Variants in RNF180 observed in about 807,000 individuals in gnomAD.
The protein encoded by RNF180 is E3 ubiquitin-protein ligase RNF180.
In RNF180, 38 loss-of-function variants were observed where a neutral mutation model predicts 59.2. The ratio of observed to expected loss-of-function variants is 0.64; its 90% CI spans 0.50 to 0.84. The LOEUF (loss-of-function observed/expected upper bound fraction) is 0.84, where lower values mean the gene tolerates loss of function less well. RNF180 is among the 40% of genes least tolerant of loss of function. The probability of loss-of-function intolerance (pLI) is 0.00; values close to 1 mark genes in which losing one functional copy is unlikely to be tolerated. For synonymous variants in RNF180, 262 were observed against 240.3 expected (o/e 1.09, Z -0.84); for missense variants, 705 against 700.9 (o/e 1.01, Z -0.07).
chr5:64,291,936 G>T (rs979158961), intron 5 of RNF180, among the ~76,000 whole-genome samples: 3 of 152,008 alleles, frequency 2.0e-5, no homozygotes, highest in Admixed American at 1.3e-4. Flanking sequence ...CTCTTCTGCT[G>T]TCGTGGTTAT....
intron 7 of RNF180, among the ~76,000 whole-genome samples, chr5:64,331,379 G>T (rs1186792585): frequency 6.6e-6 from 1 of 152,184 alleles, no homozygotes; most frequent in African/African-American, 2.4e-5. Flanking sequence ...AGAACTTACA[G>T]TGCTTTTTCC....
intron 7 of RNF180, among the ~76,000 whole-genome samples, chr5:64,334,226 C>T (rs1745030527): frequency 6.6e-6 from 1 of 152,162 alleles, no homozygotes. Context: ...CCCCTCCAAC[C>T]TCCATAAGAA....
chr5:64,220,827 A>G (rs964193717), intron 5 of RNF180, among the ~76,000 whole-genome samples: 1 of 152,086 alleles, frequency 6.6e-6, no homozygotes. Context: ...ATAATTGACC[A>G]TATATCATGG....
chr5:64,204,659 AAAG>A (rs1303758048), intron 2 of RNF180, among the ~76,000 whole-genome samples: 1 of 152,130 alleles, frequency 6.6e-6, no homozygotes, highest in African/African-American at 2.4e-5. Context: ...TCTTTGTTGA[AAAG>A]AAATTCATAA....
intron 5 of RNF180, among the ~76,000 whole-genome samples, chr5:64,239,573 G>T (rs533458199): frequency 6.6e-6 from 1 of 152,082 alleles, no homozygotes; most frequent in Admixed American, 6.5e-5. Context: ...GTTAAGAGCT[G>T]TTGTATTGAT....
At chr5:64,232,191 A>G (rs1341844585) in intron 5 of RNF180, among the ~76,000 whole-genome samples, 1 of 152,132 alleles carries the variant, frequency 6.6e-6, no homozygotes, top group Non-Finnish European at 1.5e-5. Flanking sequence ...AAAGAGATTT[A>G]CCTTAGGAAC....
chr5:64,350,022 A>C (rs538621918), intron 7 of RNF180, among the ~76,000 whole-genome samples: 42 of 152,314 alleles, frequency 2.8e-4, no homozygotes, highest in African/African-American at 9.4e-4. Context: ...ACTAGTTTAC[A>C]GTCCCACCAA....
chr5:64,214,564 T>A (rs1395859590), intron 4 of RNF180, 47 bp downstream of exon 4: 1 of 1,536,116 alleles, frequency 6.5e-7, no homozygotes, highest in African/African-American at 1.4e-5. Flanking sequence ...TTATAAATAC[T>A]GGAGTTTGGG....
At chr5:64,235,843 C>G (rs1189564121) in intron 5 of RNF180, among the ~76,000 whole-genome samples, 1 of 152,128 alleles carries the variant, frequency 6.6e-6, no homozygotes, top group Non-Finnish European at 1.5e-5. Context: ...TAAGACATGC[C>G]TTACTTCCCC....
intron 5 of RNF180, chr5:64,217,905 T>C (rs1045523790): frequency 6.6e-6 from 1 of 152,140 alleles, no homozygotes; most frequent in Non-Finnish European, 1.5e-5. Context: ...TACAGTGAGC[T>C]ATGATTACAC....
intron 2 of RNF180, among the ~76,000 whole-genome samples, chr5:64,205,089 C>T (rs1751948224): frequency 6.6e-6 from 1 of 152,148 alleles, no homozygotes; most frequent in Non-Finnish European, 1.5e-5. Flanking sequence ...AGGAACTGGA[C>T]ACTAGAATTG....
rs536406686 is a variant in RNF180 at position 64,208,391 on chromosome 5, CTTG to C, written c.136-3669_136-3667del. Among the ~76,000 whole-genome samples, 32 of 152,030 alleles carry C rather than the reference CTTG, an allele frequency of 2.1e-4. 1 individual carries two copies. The South Asian group carries it at 6.4e-3, about 31-fold the overall frequency. On this transcript the variant is annotated intron_variant, in intron 2 of 7. Coordinates refer to ENST00000389100, the MANE Select transcript of RNF180 (RefSeq NM_001113561.2). ...AGTCAAATTTTTCCCGAGGAGATAACTTGTTGTGCTAATACTTTGATGGCTTTA... is the reference window on the plus strand; with the variant it reads ...AGTCAAATTTTTCCCGAGGAGATAACTTGTGCTAATACTTTGATGGCTTTA...
intron 5 of RNF180, among the ~76,000 whole-genome samples, chr5:64,222,361 T>C (rs1006016583): frequency 5.3e-5 from 8 of 152,332 alleles, no homozygotes; most frequent in Non-Finnish European, 1.0e-4. Context: ...TATGTATACA[T>C]GTGCCATGTT....
intron 4 of RNF180, 102 bp from the exon 5 acceptor site, chr5:64,217,259 G>A: frequency 7.9e-7 from 1 of 1,262,518 alleles, no homozygotes; most frequent in Non-Finnish European, 1.0e-6. Flanking sequence ...TTCAGCTGCT[G>A]AAGGACAAGT....
At chr5:64,278,133 A>G (rs1741824790) in intron 5 of RNF180, among the ~76,000 whole-genome samples, 1 of 152,182 alleles carries the variant, frequency 6.6e-6, no homozygotes, top group South Asian at 2.1e-4. Flanking sequence ...CTCTCAGCCT[A>G]AAAATGTGAG....
At chr5:64,367,818 A>AGTT (rs1380645671) in intron 7 of RNF180, among the ~76,000 whole-genome samples, 1 of 151,680 alleles carries the variant, frequency 6.6e-6, no homozygotes, top group Non-Finnish European at 1.5e-5. Context: ...TTTTCTGCCT[A>AGTT]GTTTATTATG....
intron 6 of RNF180, among the ~76,000 whole-genome samples, chr5:64,326,564 T>C (rs1421017873): frequency 6.6e-6 from 1 of 152,164 alleles, no homozygotes; most frequent in East Asian, 1.9e-4. Flanking sequence ...TTGTAACCTT[T>C]TAACAGTTCA....
At chr5:64,362,825 T>G (rs898248599) in intron 7 of RNF180, among the ~76,000 whole-genome samples, 1 of 151,920 alleles carries the variant, frequency 6.6e-6, no homozygotes, top group African/African-American at 2.4e-5. Flanking sequence ...TTGATTTGCA[T>G]TTCTCTAATG....
intron 1 of RNF180, among the ~76,000 whole-genome samples, chr5:64,178,418 T>G (rs954327264): frequency 6.6e-6 from 1 of 152,094 alleles, no homozygotes; most frequent in Non-Finnish European, 1.5e-5. Context: ...TCCTGGGAAT[T>G]AGAGCAAAGT....
Sources: allele counts gnomAD v4.1 joint callset (sites outside exome capture counted in the v4.1 genomes callset), GRCh38; gene constraint gnomAD v4.1.1; transcripts MANE v1.5; gene names NCBI Gene and HGNC (gene_info 2026-07-23, HGNC 2026-07-21).